PPP4R4: variants seen among roughly 807,000 people sequenced by gnomAD.
PPP4R4 encodes protein phosphatase 4 regulatory subunit 4.
PPP4R4 carries 70 observed loss-of-function variants against 121.8 expected under a neutral mutation model. The ratio of observed to expected loss-of-function variants is 0.57; its 90% CI spans 0.47 to 0.70. The LOEUF (loss-of-function observed/expected upper bound fraction) is 0.70, where lower values mean the gene tolerates loss of function less well. Ranked by LOEUF, PPP4R4 falls within the 30% of genes least tolerant of loss-of-function variation. The pLI is 0.00. For synonymous variants in PPP4R4, 348 were observed against 355.7 expected (o/e 0.98, Z 0.24); for missense variants, 875 against 1,033.6 (o/e 0.85, Z 2.10).
At chr14:94,234,220 TTTATAA>T (rs1182974195) in intron 6 of PPP4R4, among the ~76,000 whole-genome samples, 1 of 152,188 alleles carries the variant, frequency 6.6e-6, no homozygotes, top group Non-Finnish European at 1.5e-5. Context: ...AATGGAATGT[TTTATAA>T]TTATGATACA....
intron 22 of PPP4R4, 21 bp from the exon 23 acceptor site, chr14:94,266,933 TTAAAC>T: frequency 6.8e-7 from 1 of 1,468,184 alleles, no homozygotes; most frequent in Non-Finnish European, 9.5e-7. Context: ...TTTTTGTATT[TTAAAC>T]TAAATCATGT....
chr14:94,233,494 CAAAT>C (rs1040967399), intron 5 of PPP4R4, among the ~76,000 whole-genome samples, 155 bp from the exon 6 acceptor site: 1 of 152,044 alleles, frequency 6.6e-6, no homozygotes, highest in African/African-American at 2.4e-5. Context: ...ACTCAGAAGA[CAAAT>C]AAGATAATCC....
At chr14:94,235,431 A>T (rs1197927872) in intron 7 of PPP4R4, among the ~76,000 whole-genome samples, 7 of 110,292 alleles carry the variant, frequency 6.3e-5, no homozygotes, top group African/African-American at 2.7e-4. Context: ...AGGGAGTCTC[A>T]CTCTGTCACC....
At chr14:94,206,361 A>T (rs910688695) in intron 2 of PPP4R4, among the ~76,000 whole-genome samples, 1 of 151,982 alleles carries the variant, frequency 6.6e-6, no homozygotes, top group Non-Finnish European at 1.5e-5. Context: ...GTTATATTTG[A>T]AGTGAGTTTC....
At chr14:94,257,680 T>C (rs1893552254) in intron 17 of PPP4R4, among the ~76,000 whole-genome samples, 1 of 127,624 alleles carries the variant, frequency 7.8e-6, no homozygotes, top group African/African-American at 3.3e-5. Context: ...CACACACTTG[T>C]TTCTACCAGA....
At chr14:94,232,843 G>A (rs889614826) in intron 5 of PPP4R4, among the ~76,000 whole-genome samples, 2 of 152,136 alleles carry the variant, frequency 1.3e-5, no homozygotes, top group Non-Finnish European at 2.9e-5. Context: ...CGGATCATGA[G>A]GTCAGGAGAT....
At chr14:94,235,355 G>C (rs1892278169) in intron 7 of PPP4R4, among the ~76,000 whole-genome samples, 1 of 148,316 alleles carries the variant, frequency 6.7e-6, no homozygotes, top group Non-Finnish European at 1.5e-5. Context: ...GCAACTTCAG[G>C]CTTCCAATGT....
chr14:94,223,313 T>C (rs566093799), intron 3 of PPP4R4, among the ~76,000 whole-genome samples: 1 of 152,362 alleles, frequency 6.6e-6, no homozygotes, highest in South Asian at 2.1e-4. Context: ...TAGGATGATA[T>C]CTTTCTCATG....
chr14:94,216,977 A>C (rs1353737365), intron 3 of PPP4R4, among the ~76,000 whole-genome samples: 3 of 152,172 alleles, frequency 2.0e-5, no homozygotes, highest in Admixed American at 2.0e-4. Context: ...TAGGGCAAGA[A>C]ACTTGACCCT....
intron 3 of PPP4R4, among the ~76,000 whole-genome samples, chr14:94,230,309 T>C (rs1891945082): frequency 6.6e-6 from 1 of 152,184 alleles, no homozygotes; most frequent in South Asian, 2.1e-4. Context: ...CTCTGTTGCT[T>C]AAAGGTTTAT....
At chr14:94,179,820 C>A (rs940127123) in intron 2 of PPP4R4, among the ~76,000 whole-genome samples, 3 of 152,186 alleles carry the variant, frequency 2.0e-5, no homozygotes, top group Non-Finnish European at 4.4e-5. Flanking sequence ...TCCTGGAGGA[C>A]AAGCTTTTAG....
rs1438209940 is a variant in PPP4R4 at position 94,201,945 on chromosome 14, A to AAT, written c.192-6507_192-6506dup. ...GAAAATGTGTGTGTGTATATATATAAATATATATATATACATATATATACA... is the reference window on the plus strand; with the variant it reads ...GAAAATGTGTGTGTGTATATATATAAATATATATATATATACATATATATACA... On this transcript the variant is annotated intron_variant, in intron 2 of 24. Transcript: ENST00000304338. Among the ~76,000 whole-genome samples, 224 of 149,648 alleles carry AAT rather than the reference A, an allele frequency of 1.5e-3. 2 individuals are homozygous for AAT. Among genetic ancestry groups the AAT allele is most frequent in the Middle Eastern group, 7.0e-3 (2 of 284 alleles).
intron 8 of PPP4R4, among the ~76,000 whole-genome samples, chr14:94,240,461 C>G (rs940805387): frequency 1.3e-5 from 2 of 152,122 alleles, no homozygotes; most frequent in Non-Finnish European, 2.9e-5. Flanking sequence ...GTCCAAACCC[C>G]TTAACCTGAC....
At chr14:94,264,305 T>C (rs1348570633) in intron 19 of PPP4R4, among the ~76,000 whole-genome samples, 1 of 152,056 alleles carries the variant, frequency 6.6e-6, no homozygotes, top group Non-Finnish European at 1.5e-5. Context: ...TGCATCACCA[T>C]GCCTGGCTAA....
At chr14:94,219,801 G>A (rs561297785) in intron 3 of PPP4R4, among the ~76,000 whole-genome samples, 72 of 151,474 alleles carry the variant, frequency 4.8e-4, no homozygotes, top group African/African-American at 1.6e-3. Context: ...ACTATTTCTG[G>A]AAAAAAAAAT....
chr14:94,218,388 C>A (rs1439481005), intron 3 of PPP4R4, among the ~76,000 whole-genome samples: 1 of 107,234 alleles, frequency 9.3e-6, no homozygotes, highest in Non-Finnish European at 1.9e-5. Flanking sequence ...CGCGCGTGCA[C>A]ACACACACAC....
chr14:94,238,999 A>G (rs548040933), intron 8 of PPP4R4, among the ~76,000 whole-genome samples: 1 of 152,084 alleles, frequency 6.6e-6, no homozygotes, highest in East Asian at 1.9e-4. Flanking sequence ...GCCCACACCC[A>G]TTTATCACAG....
At chr14:94,262,759 T>A (rs1297428872) in intron 19 of PPP4R4, among the ~76,000 whole-genome samples, 1 of 152,126 alleles carries the variant, frequency 6.6e-6, no homozygotes, top group Non-Finnish European at 1.5e-5. Flanking sequence ...ATTTTTTTCC[T>A]TAAGATAAAA....
intron 2 of PPP4R4, among the ~76,000 whole-genome samples, chr14:94,188,582 T>TA (rs1199040867): frequency 6.6e-6 from 1 of 151,464 alleles, no homozygotes; most frequent in Non-Finnish European, 1.5e-5. Context: ...TATATGTGTG[T>TA]ATACACACAC....
Sources: allele counts gnomAD v4.1 joint callset (sites outside exome capture counted in the v4.1 genomes callset), GRCh38; gene constraint gnomAD v4.1.1; transcripts MANE v1.5; gene names NCBI Gene and HGNC (gene_info 2026-07-23, HGNC 2026-07-21).